The following ESRRG variants were observed in gnomAD, a reference collection of about 807,000 sequenced individuals.
The protein encoded by ESRRG is estrogen-related receptor gamma.
ESRRG carries 13 observed loss-of-function variants against 44.0 expected under a neutral mutation model. The ratio of observed to expected loss-of-function variants is 0.30; its 90% CI spans 0.19 to 0.47. The LOEUF is 0.47. Among genes scored for constraint, ESRRG ranks in the 20% least tolerant of loss-of-function variants. The pLI is 1.00. For synonymous variants in ESRRG, 215 were observed against 214.6 expected (o/e 1.00, Z -0.02); for missense variants, 395 against 580.6 (o/e 0.68, Z 3.29).
At chr1:216,968,148 T>C (rs1351844470) in intron 1 of ESRRG, among the ~76,000 whole-genome samples, 1 of 152,208 alleles carries the variant, frequency 6.6e-6, no homozygotes, top group Non-Finnish European at 1.5e-5. Context: ...CAATCCTTTA[T>C]AAGATGTCTT....
chr1:216,815,854 G>C (rs1016688017), intron 2 of ESRRG, among the ~76,000 whole-genome samples: 2 of 152,138 alleles, frequency 1.3e-5, no homozygotes, highest in Admixed American at 6.5e-5. Flanking sequence ...TGCCTGCCTA[G>C]GAGTCAAGTT....
At chr1:216,939,936 T>A (rs10735491) in intron 1 of ESRRG, among the ~76,000 whole-genome samples, 52,478 of 152,036 alleles carry the variant, frequency 0.35, 10,015 homozygotes, top group Non-Finnish European at 0.44. Flanking sequence ...CTCAGCTTTA[T>A]CAGATTTATT....
chr1:216,614,878 C>A (rs1413752619), intron 3 of ESRRG, among the ~76,000 whole-genome samples: 1 of 152,158 alleles, frequency 6.6e-6, no homozygotes, highest in Non-Finnish European at 1.5e-5. Flanking sequence ...GACATTATTG[C>A]CAGGCTTTAA....
At chr1:216,806,275 A>G (rs2094788981) in intron 2 of ESRRG, among the ~76,000 whole-genome samples, 1 of 152,178 alleles carries the variant, frequency 6.6e-6, no homozygotes, top group Admixed American at 6.6e-5. Flanking sequence ...TATCAAATTG[A>G]TTGTTCCCCT....
chr1:216,830,078 T>C (rs887818354), intron 2 of ESRRG, among the ~76,000 whole-genome samples: 8 of 152,116 alleles, frequency 5.3e-5, no homozygotes, highest in Non-Finnish European at 1.2e-4. Context: ...ATCCTCTCCC[T>C]GCTGAAACTT....
At chr1:216,728,183 C>T (rs1030812923), upstream of ESRRG, among the ~76,000 whole-genome samples, 1 of 152,046 alleles carries the variant, frequency 6.6e-6, no homozygotes. Context: ...CAATAGTTAA[C>T]GTTTTGAGAT....
At chr1:216,559,611 C>T (rs1235369003) in intron 5 of ESRRG, among the ~76,000 whole-genome samples, 2 of 152,152 alleles carry the variant, frequency 1.3e-5, no homozygotes, top group Non-Finnish European at 2.9e-5. Context: ...TACATAGAAA[C>T]ATAGTTTACA....
chr1:217,010,315 C>G (rs1560460755), intron 1 of ESRRG, among the ~76,000 whole-genome samples: 1 of 152,104 alleles, frequency 6.6e-6, no homozygotes. Flanking sequence ...CTGTTAATCA[C>G]ATTTTTAAAA....
At chr1:216,890,988 A>G (rs1173244316) in intron 2 of ESRRG, among the ~76,000 whole-genome samples, 1 of 152,166 alleles carries the variant, frequency 6.6e-6, no homozygotes, top group Non-Finnish European at 1.5e-5. Context: ...TGATTACACG[A>G]TCTTATTTGG....
intron 6 of ESRRG, among the ~76,000 whole-genome samples, chr1:216,510,843 C>A (rs1043153031): frequency 2.6e-5 from 4 of 152,028 alleles, no homozygotes; most frequent in Non-Finnish European, 5.9e-5. Flanking sequence ...CACTGCACTC[C>A]AGCCTGGGCG....
intron 2 of ESRRG, among the ~76,000 whole-genome samples, chr1:216,909,489 T>C (rs2060072127): frequency 2.0e-5 from 3 of 152,214 alleles, no homozygotes; most frequent in Admixed American, 2.0e-4. Context: ...AATTTATTTA[T>C]TTATTTGTTT....
chr1:216,756,780 T>C (rs537687624), intron 2 of ESRRG, among the ~76,000 whole-genome samples: 3 of 152,048 alleles, frequency 2.0e-5, no homozygotes, highest in South Asian at 2.1e-4. Context: ...TATTCTATCA[T>C]GTAATAGAAA....
At chr1:216,973,826 C>CAAAAAAAAAA (rs76576502) in intron 1 of ESRRG, among the ~76,000 whole-genome samples, 1 of 116,458 alleles carries the variant, frequency 8.6e-6, no homozygotes, top group Non-Finnish European at 1.9e-5. Context: ...AACTCTGTCT[C>CAAAAAAAAAA]AAAAAAAAAA....
chr1:216,695,098 T>C (rs758698378), intron 1 of ESRRG, among the ~76,000 whole-genome samples: 1 of 152,128 alleles, frequency 6.6e-6, no homozygotes, highest in Non-Finnish European at 1.5e-5. Flanking sequence ...AGGAGATGAA[T>C]ATTATGGGAA....
chr1:216,854,556 G>C (rs913537019), intron 2 of ESRRG, among the ~76,000 whole-genome samples: 3 of 151,976 alleles, frequency 2.0e-5, no homozygotes, highest in Non-Finnish European at 4.4e-5. Context: ...AAATTTTGTA[G>C]AAAAGCCAGT....
intron 1 of ESRRG, chr1:216,715,126 T>G: frequency 1.0e-6 from 1 of 985,422 alleles, no homozygotes; most frequent in Non-Finnish European, 1.2e-6. Context: ...TGAGCCTTCC[T>G]TTAGATGTGT....
chr1:217,048,203 C>T (rs1028091071), intron 1 of ESRRG, among the ~76,000 whole-genome samples: 2 of 152,088 alleles, frequency 1.3e-5, no homozygotes, highest in Admixed American at 6.6e-5. Flanking sequence ...CTAGGAGGTC[C>T]TGTGTGCTCA....
At chr1:217,044,803 T>C (rs145065169) in intron 1 of ESRRG, among the ~76,000 whole-genome samples, 69 of 152,312 alleles carry the variant, frequency 4.5e-4, no homozygotes, top group Non-Finnish European at 8.5e-4. Flanking sequence ...CTGACAGGTA[T>C]TACTTAAGAT....
At chr1:216,747,478 C>T (rs2789734) in intron 2 of ESRRG, among the ~76,000 whole-genome samples, 79,501 of 151,852 alleles carry the variant, frequency 0.52, 22,379 homozygotes, top group East Asian at 0.72. Flanking sequence ...GGGTGAAATC[C>T]CTCTCCCCTA....
Sources: gnomAD v4.1 joint callset for allele counts (sites outside exome capture counted in the v4.1 genomes callset) on GRCh38, gnomAD v4.1.1 for gene constraint, MANE v1.5 for transcripts, NCBI Gene and HGNC (gene_info 2026-07-23, HGNC 2026-07-21) for gene names.